HRH1: variants seen among roughly 807,000 people sequenced by gnomAD.
The protein encoded by HRH1 is histamine receptor H1.
A neutral mutation model predicts 10.3 loss-of-function variants in HRH1; 6 were observed. The observed-to-expected ratio is 0.58, with a 90% confidence interval of 0.32 to 1.15. The LOEUF (loss-of-function observed/expected upper bound fraction) is 1.15, where lower values mean the gene tolerates loss of function less well. Ranked by LOEUF, HRH1 falls within the 50% of genes most tolerant of loss-of-function variation. HRH1 has a pLI of 0.05. For missense variants in HRH1, 514 were observed against 615.3 expected (o/e 0.84, Z 1.74); for synonymous variants, 242 against 236.7 (o/e 1.02, Z -0.21).
chr3:11,234,887 A>G (rs1939135378), intron 1 of HRH1, among the ~76,000 whole-genome samples: 1 of 152,020 alleles, frequency 6.6e-6, no homozygotes, highest in African/African-American at 2.4e-5. Flanking sequence ...AATTGTGTTC[A>G]CATTTGCATG....
chr3:11,262,905 G>A lies in HRH1; in HGVS notation c.*2404G>A, dbSNP rs1287121756. ...CTCCTATGCATTTTTAAAACATGCT[G>A]AGCACATACCATGTGCCAGGCTTTG... On this transcript the variant is annotated 3_prime_UTR_variant, in exon 2 of 2. Coordinates refer to ENST00000431010, the MANE Select transcript of HRH1 (RefSeq NM_001098212.2). 6.0e-6 allele frequency: 1 copy of A among 167,098 alleles called. No homozygotes were observed. The highest frequency in any genetic ancestry group is 1.5e-5 in the Non-Finnish European group (1 of 68,132). 10.4% of individuals were successfully genotyped at this position (167,098 alleles called of 1,614,324 possible). A position where few individuals can be genotyped will look rare whatever the true frequency, so the allele number is the denominator to read the frequency against.
intron 1 of HRH1, among the ~76,000 whole-genome samples, chr3:11,220,719 G>C (rs1186580459): frequency 6.6e-6 from 1 of 152,176 alleles, no homozygotes; most frequent in Admixed American, 6.5e-5. Context: ...CAGACAAGTT[G>C]AGGTTCATTA....
intron 1 of HRH1, among the ~76,000 whole-genome samples, chr3:11,254,809 A>C (rs1340503861): frequency 6.6e-6 from 1 of 152,228 alleles, no homozygotes; most frequent in Admixed American, 6.5e-5. Flanking sequence ...CTTCTGCAGA[A>C]GGGTGCAGCT....
At chr3:11,170,083 A>G (rs1037699995) in intron 1 of HRH1, among the ~76,000 whole-genome samples, 7 of 152,106 alleles carry the variant, frequency 4.6e-5, no homozygotes, top group African/African-American at 1.7e-4. Context: ...CCCAGAGCTG[A>G]GTTGGAATCC....
chr3:11,177,309 T>C (rs1193512844), intron 1 of HRH1, among the ~76,000 whole-genome samples: 1 of 150,122 alleles, frequency 6.7e-6, no homozygotes, highest in African/African-American at 2.5e-5. Context: ...TTTTAGGGAC[T>C]AATGGCATGG....
intron 1 of HRH1, among the ~76,000 whole-genome samples, chr3:11,161,571 G>A (rs1224097679): frequency 3.3e-5 from 5 of 152,120 alleles, no homozygotes; most frequent in South Asian, 4.2e-4. Flanking sequence ...CTTGAGTGGC[G>A]GGGCCACCCT....
At chr3:11,204,418 A>G (rs942345348) in intron 1 of HRH1, among the ~76,000 whole-genome samples, 20 of 152,152 alleles carry the variant, frequency 1.3e-4, no homozygotes, top group African/African-American at 4.3e-4. Context: ...GGTACTAACC[A>G]GGGGTCAGGT....
chr3:11,188,477 C>G (rs939350719), intron 1 of HRH1, among the ~76,000 whole-genome samples: 2 of 152,122 alleles, frequency 1.3e-5, no homozygotes, highest in African/African-American at 4.8e-5. Flanking sequence ...ATTACTTGAA[C>G]CCAGGAAGTG....
intron 1 of HRH1, among the ~76,000 whole-genome samples, chr3:11,169,368 C>T (rs1461541547): frequency 6.6e-6 from 1 of 152,182 alleles, no homozygotes; most frequent in African/African-American, 2.4e-5. Context: ...GAAGTAGACG[C>T]CTCATTGCCA....
At chr3:11,178,417 T>G (rs1030908754) in intron 1 of HRH1, among the ~76,000 whole-genome samples, 5 of 152,060 alleles carry the variant, frequency 3.3e-5, no homozygotes, top group African/African-American at 1.2e-4. Flanking sequence ...GAGGTGACAG[T>G]GTTAGTGTTC....
intron 1 of HRH1, chr3:11,234,213 C>T: frequency 7.6e-7 from 1 of 1,312,790 alleles, no homozygotes; most frequent in Middle Eastern, 1.9e-4. Context: ...GCAAAAGGTC[C>T]ACTCCAAAAG....
Position 11,257,372 on chromosome 3 carries a change from A to G in HRH1, c.-35-1631A>G, listed in dbSNP as rs1305327412. Reference sequence around the variant, plus strand: ...GGAGTTCAAGTCCAGCCTGACCAACATGGTGAAACCCCGTCTCTACTAAAA... The same window carrying G: ...GGAGTTCAAGTCCAGCCTGACCAACGTGGTGAAACCCCGTCTCTACTAAAA... On this transcript the variant is annotated intron_variant, in intron 1 of 1. Coordinates refer to ENST00000431010, the MANE Select transcript of HRH1 (RefSeq NM_001098212.2). 3.3e-5 allele frequency among the ~76,000 whole-genome samples: 5 copies of G among 151,956 alleles called. 1 individual carries two copies. Among genetic ancestry groups the G allele is most frequent in the African/African-American group, 1.2e-4 (5 of 41,426 alleles).
At position 11,259,878 on chromosome 3, in the gene HRH1, A is replaced by G; in HGVS notation, c.841A>G (p.Lys281Glu). ...CTTGAAGTCACCATCCCAAACCCCCAAGGAGATGAAATCCCCAGTTGTCTT... is the reference window on the plus strand; with the variant it reads ...CTTGAAGTCACCATCCCAAACCCCCGAGGAGATGAAATCCCCAGTTGTCTT... ...SVLKSPSQTP[K>E]EMKSPVVFSQ... is the part of the protein sequence containing the mutation. Residue 281 changes from lysine (K) to glutamate (E), a missense_variant, in exon 2 of 2, where the codon AAG becomes GAG. Coordinates refer to ENST00000431010, the MANE Select transcript of HRH1 (RefSeq NM_001098212.2). The surrounding 1 kb of genome is among the most constrained non-coding windows in gnomAD (Gnocchi z 4.6). The G allele has an allele frequency of 6.2e-7, 1 of 1,614,106 alleles. No homozygotes were observed. Among genetic ancestry groups the G allele is most frequent in the Non-Finnish European group, 8.5e-7 (1 of 1,180,016 alleles).
chr3:11,232,916 C>T (rs576606572), intron 1 of HRH1, among the ~76,000 whole-genome samples: 3 of 152,264 alleles, frequency 2.0e-5, no homozygotes, highest in Admixed American at 2.0e-4. Flanking sequence ...GCTGACAGCT[C>T]TTTTCTTTCA....
At chr3:11,235,232 A>T (rs1270003176) in intron 1 of HRH1, among the ~76,000 whole-genome samples, 1 of 151,904 alleles carries the variant, frequency 6.6e-6, no homozygotes, top group Non-Finnish European at 1.5e-5. Flanking sequence ...AAAAAATGCT[A>T]TTAGAAATCC....
At chr3:11,172,725 T>C (rs1380465424) in intron 1 of HRH1, among the ~76,000 whole-genome samples, 2 of 150,012 alleles carry the variant, frequency 1.3e-5, no homozygotes, top group East Asian at 2.0e-4. Flanking sequence ...TTTTTTGAGA[T>C]GGAGTCTCGC....
intron 1 of HRH1, among the ~76,000 whole-genome samples, chr3:11,206,261 G>C (rs1191609038): frequency 3.3e-5 from 5 of 152,232 alleles, no homozygotes; most frequent in African/African-American, 1.2e-4. Flanking sequence ...GGGACTACAG[G>C]CACACGCCAA....
chr3:11,258,168 C>G (rs982287369), intron 1 of HRH1, among the ~76,000 whole-genome samples: 2 of 151,304 alleles, frequency 1.3e-5, no homozygotes, highest in Non-Finnish European at 2.9e-5. Context: ...TGGTGTGTCC[C>G]CTTATAACCT....
At chr3:11,170,343 A>C (rs1380224269) in intron 1 of HRH1, among the ~76,000 whole-genome samples, 1 of 152,266 alleles carries the variant, frequency 6.6e-6, no homozygotes, top group Non-Finnish European at 1.5e-5. Flanking sequence ...TTAGAGATGG[A>C]AAGAAGCTGC....
Sources: gnomAD v4.1 joint callset for allele counts (sites outside exome capture counted in the v4.1 genomes callset) on GRCh38, gnomAD v4.1.1 for gene constraint, Gnocchi (gnomAD v3.1) non-coding constraint, MANE v1.5 for transcripts, NCBI Gene and HGNC (gene_info 2026-07-23, HGNC 2026-07-21) for gene names.